The following DNAH8 variants were observed in gnomAD, a reference collection of about 807,000 sequenced individuals.
DNAH8 encodes the protein axonemal beta dynein heavy chain 8.
A neutral mutation model predicts 562.1 loss-of-function variants in DNAH8; 382 were observed. That is an observed-to-expected ratio of 0.68 (90% CI 0.63 to 0.74). The LOEUF is 0.74. Among genes scored for constraint, DNAH8 ranks in the 30% least tolerant of loss-of-function variants. The probability of loss-of-function intolerance (pLI) is 0.00; values close to 1 mark genes in which losing one functional copy is unlikely to be tolerated. For missense variants in DNAH8, 5,203 were observed against 5,620.4 expected, an observed-to-expected ratio of 0.93 and a Z score of 2.37; for synonymous variants, 1,881 against 1,919.4, an observed-to-expected ratio of 0.98 and a Z score of 0.52.
At chr6:38,948,763 A>G (rs1761637962) in intron 80 of DNAH8, among the ~76,000 whole-genome samples, 1 of 152,176 alleles carries the variant, frequency 6.6e-6, no homozygotes, top group African/African-American at 2.4e-5. Context: ...GTCAGTGAGC[A>G]CCTTTTAATG....
intron 9 of DNAH8, among the ~76,000 whole-genome samples, chr6:38,751,292 A>G (rs755603003): frequency 3.3e-5 from 5 of 152,230 alleles, no homozygotes; most frequent in Non-Finnish European, 5.9e-5. Context: ...GAGCAAGAGA[A>G]TGAGAGAACA....
intron 85 of DNAH8, among the ~76,000 whole-genome samples, chr6:38,978,555 T>A (rs140075799): frequency 6.6e-6 from 1 of 152,344 alleles, no homozygotes; most frequent in East Asian, 1.9e-4. Flanking sequence ...GCTGCTTCTG[T>A]CAACTATTTT....
chr6:38,935,112 A>G (rs565147951), intron 76 of DNAH8, among the ~76,000 whole-genome samples: 1 of 152,348 alleles, frequency 6.6e-6, no homozygotes, highest in Non-Finnish European at 1.5e-5. Context: ...GGCTGTGCCA[A>G]ACCAGGTACC....
intron 92 of DNAH8, among the ~76,000 whole-genome samples, chr6:39,028,287 G>GCCT (rs1767428115): frequency 6.6e-6 from 1 of 152,156 alleles, no homozygotes; most frequent in Non-Finnish European, 1.5e-5. Flanking sequence ...CATTACCTTG[G>GCCT]GTGGCTAAAA....
rs1427541307 is a variant in DNAH8 at position 38,815,465 on chromosome 6, C to T, written c.3334-3C>T. The T allele has an allele frequency of 1.9e-6, 3 of 1,610,726 alleles. No individual in the cohort carries two copies. The highest frequency in any genetic ancestry group is 1.1e-5 in the South Asian group (1 of 90,920). On this transcript the variant is annotated splice_region_variant and splice_polypyrimidine_tract_variant and intron_variant, in intron 25 of 92. Coordinates refer to ENST00000327475, the MANE Select transcript of DNAH8 (RefSeq NM_001206927.2). ...ATTACACATTTGTTTCTTCTTTCCA[C>T]AGGTGATGATTCCTAGTTTGGATGA...
chr6:38,851,920 C>CCCCAT (rs1775781680), intron 39 of DNAH8, among the ~76,000 whole-genome samples: 1 of 152,156 alleles, frequency 6.6e-6, no homozygotes, highest in Non-Finnish European at 1.5e-5. Context: ...TTCCTAATTT[C>CCCCAT]CCCATCCCTC....
At position 38,924,033 on chromosome 6, in the gene DNAH8, C is replaced by T. The variant is rs746930113; in HGVS notation, c.10833C>T (p.Tyr3611=). 2 of 1,613,924 alleles carry T rather than the reference C, an allele frequency of 1.2e-6. No homozygotes were observed. Among genetic ancestry groups the T allele is most frequent in the South Asian group, 1.1e-5 (1 of 91,072 alleles). ...DILLCTGFLS[Y]LGPFNQIFRN... ...TGCTGTGCACGGGATTCCTTTCCTA[C>T]CTTGGTCCTTTCAATCAGATATTTA... Residue 3611 remains tyrosine (Y), a synonymous_variant, in exon 73 of 93, where the codon TAC becomes TAT. Coordinates refer to ENST00000327475, the MANE Select transcript of DNAH8 (RefSeq NM_001206927.2).
chr6:38,731,759 G>A (rs1763668649), intron 4 of DNAH8, among the ~76,000 whole-genome samples: 1 of 152,184 alleles, frequency 6.6e-6, no homozygotes, highest in African/African-American at 2.4e-5. Flanking sequence ...CTGTCACCCA[G>A]GCTGGAGTGC....
chr6:38,940,045 T>C (rs1783309328), intron 79 of DNAH8, among the ~76,000 whole-genome samples: 1 of 152,178 alleles, frequency 6.6e-6, no homozygotes, highest in African/African-American at 2.4e-5. Flanking sequence ...CCTGGGTTCC[T>C]GTAGGAAGGA....
intron 65 of DNAH8, 64 bp downstream of exon 65, chr6:38,909,808 A>G (rs1051436547): frequency 5.5e-5 from 70 of 1,276,706 alleles, no homozygotes; most frequent in Middle Eastern, 1.8e-4. Flanking sequence ...AGAGGAATGC[A>G]TTGTAACATC....
chr6:38,734,345 A>G, intron 4 of DNAH8, 129 bp from the exon 5 acceptor site: 1 of 737,986 alleles, frequency 1.4e-6, no homozygotes, highest in Non-Finnish European at 1.8e-6. Context: ...CAAAAAAATT[A>G]TTCTATGACC....
At chr6:39,008,708 G>A (rs879133029) in intron 88 of DNAH8, 106 bp from the exon 89 acceptor site, 1 of 207,660 alleles carries the variant, frequency 4.8e-6, no homozygotes, top group Admixed American at 1.1e-4. Flanking sequence ...TTTTTTTTTT[G>A]TAGCTTGCTT....
intron 44 of DNAH8, among the ~76,000 whole-genome samples, chr6:38,863,199 C>T (rs1248277797): frequency 1.4e-4 from 20 of 147,562 alleles, no homozygotes; most frequent in South Asian, 2.2e-4. Flanking sequence ...TTTGGGAGGC[C>T]GAGGCAGGCG....
rs188751216 is a variant in DNAH8 at position 38,918,758 on chromosome 6, G to A, written c.10524+618G>A. Among the ~76,000 whole-genome samples, 5 of 152,250 alleles carry A rather than the reference G, an allele frequency of 3.3e-5. No homozygotes were observed. In the East Asian group the frequency reaches 9.6e-4, roughly 29 times the overall value. Reference sequence around the variant, plus strand: ...ATGAGGGAACAGAATGAGATTCTTAGGAGGGCAAGGATTCATGAAATGTAT... The same window carrying A: ...ATGAGGGAACAGAATGAGATTCTTAAGAGGGCAAGGATTCATGAAATGTAT... On this transcript the variant is annotated intron_variant, in intron 70 of 92. Transcript: ENST00000327475.
chr6:38,867,914 G>A, intron 47 of DNAH8, 148 bp from the exon 48 acceptor site: 1 of 675,216 alleles, frequency 1.5e-6, no homozygotes, highest in Non-Finnish European at 2.4e-6. Flanking sequence ...GGAAAGGCAG[G>A]AAGTTGAGCT....
intron 91 of DNAH8, among the ~76,000 whole-genome samples, chr6:39,018,822 A>G (rs113864813): frequency 6.3e-4 from 96 of 152,286 alleles, no homozygotes; most frequent in African/African-American, 1.9e-3. Flanking sequence ...CAAGAGGGCA[A>G]GTAAGATGGG....
intron 17 of DNAH8, among the ~76,000 whole-genome samples, chr6:38,786,339 T>C (rs1362099064): frequency 6.6e-6 from 1 of 152,220 alleles, no homozygotes; most frequent in African/African-American, 2.4e-5. Flanking sequence ...TAAATAAGCC[T>C]CTTTAAAGAA....
At chr6:38,835,318 CAA>C (rs35817690) in intron 32 of DNAH8, among the ~76,000 whole-genome samples, 3,284 of 134,238 alleles carry the variant, frequency 0.024, 117 homozygotes, top group East Asian at 0.15. Context: ...TCTTAGTAAT[CAA>C]AAAAAAAAAA....
At chr6:38,928,975 T>C (rs1782322795) in intron 74 of DNAH8, among the ~76,000 whole-genome samples, 1 of 152,222 alleles carries the variant, frequency 6.6e-6, no homozygotes, top group Non-Finnish European at 1.5e-5. Flanking sequence ...AGTGAATGTC[T>C]AGTCTTTTAG....
Sources: gnomAD v4.1 joint callset for allele counts (sites outside exome capture counted in the v4.1 genomes callset) on GRCh38, gnomAD v4.1.1 for gene constraint, MANE v1.5 for transcripts, NCBI Gene and HGNC (gene_info 2026-07-23, HGNC 2026-07-21) for gene names.